The following ACSM2B variants were observed in gnomAD, a reference collection of about 807,000 sequenced individuals.
The protein encoded by ACSM2B is acyl-CoA synthetase medium chain family member 2B, also known as acyl-coenzyme A synthetase ACSM2B, mitochondrial.
ACSM2B carries 58 observed loss-of-function variants against 78.6 expected under a neutral mutation model. The observed-to-expected ratio is 0.74, with a 90% CI of 0.60 to 0.92. The LOEUF is 0.92. Ranked by LOEUF, ACSM2B falls within the 40% of genes least tolerant of loss-of-function variation. ACSM2B has a pLI of 0.00. For missense variants in ACSM2B, 688 were observed against 711.2 expected (o/e 0.97, Z 0.37); for synonymous variants, 257 against 256.8 (o/e 1.00, Z -0.01).
chr16:20,562,634 G>C (rs2015698371), intron 2 of ACSM2B, among the ~76,000 whole-genome samples: 1 of 152,114 alleles, frequency 6.6e-6, no homozygotes. Flanking sequence ...AAACCCTTTT[G>C]TGAAATTAAT....
At chr16:20,559,830 G>T (rs1159011853) in intron 2 of ACSM2B, among the ~76,000 whole-genome samples, 1 of 150,804 alleles carries the variant, frequency 6.6e-6, no homozygotes, top group African/African-American at 2.5e-5. Context: ...TAATGTCTTA[G>T]TAGAATAACA....
At chr16:20,575,391 T>G (rs1407781705) in intron 1 of ACSM2B, 2 of 151,812 alleles carry the variant, frequency 1.3e-5, no homozygotes, top group East Asian at 3.9e-4. Flanking sequence ...CAACTGTATA[T>G]ATATATACAG....
chr16:20,570,538 C>G (rs1050246120), intron 1 of ACSM2B, among the ~76,000 whole-genome samples: 1 of 151,678 alleles, frequency 6.6e-6, no homozygotes, highest in Admixed American at 6.6e-5. Context: ...TTGTTACATC[C>G]TTTTCTGGTT....
chr16:20,552,996 G>T (rs1266831336), intron 5 of ACSM2B, among the ~76,000 whole-genome samples: 10 of 152,140 alleles, frequency 6.6e-5, no homozygotes, highest in Admixed American at 5.2e-4. Flanking sequence ...AAATTTTTTG[G>T]GGGAAGGGGA....
chr16:20,567,548 AATATAAATT>A lies in ACSM2B; in HGVS notation c.-8-2704_-8-2696del, dbSNP rs1184468427. ...TTATATAAATAGTATATAATATATA[AATATAAATT>A]ATATAAATTATATATAAAAATATAT... On this transcript the variant is annotated intron_variant, in intron 1 of 13. Transcript: ENST00000329697. Among the ~76,000 whole-genome samples the A allele has an allele frequency of 1.9e-3, 244 of 131,750 alleles. 2 individuals are homozygous for A. The highest frequency in any genetic ancestry group is 6.2e-3 in the African/African-American group (217 of 35,190). 86.4% of individuals were successfully genotyped at this position (131,750 alleles called of 152,430 possible).
chr16:20,553,590 A>C (rs1302705155), intron 5 of ACSM2B, among the ~76,000 whole-genome samples, 187 bp downstream of exon 5: 1 of 152,198 alleles, frequency 6.6e-6, no homozygotes, highest in African/African-American at 2.4e-5. Context: ...TGTTATCTAA[A>C]ATATGTGTCC....
chr16:20,538,227 C>G (rs1289302569), intron 13 of ACSM2B, among the ~76,000 whole-genome samples: 3 of 152,162 alleles, frequency 2.0e-5, no homozygotes, highest in Non-Finnish European at 4.4e-5. Flanking sequence ...TTCTATAAGT[C>G]AAGACTGACT....
intron 1 of ACSM2B, among the ~76,000 whole-genome samples, chr16:20,568,700 C>G (rs879658237): frequency 2.0e-5 from 3 of 151,538 alleles, no homozygotes; most frequent in Non-Finnish European, 4.4e-5. Context: ...AGAAGTGTTC[C>G]CTTTTCACCA....
intron 1 of ACSM2B, chr16:20,574,342 CAT>C (rs1567223062): frequency 6.6e-6 from 1 of 152,104 alleles, no homozygotes; most frequent in African/African-American, 2.4e-5. Context: ...TTCAAACACA[CAT>C]GTTTTACAAT....
At chr16:20,550,297 T>A (rs983896700) in intron 6 of ACSM2B, among the ~76,000 whole-genome samples, 1 of 152,184 alleles carries the variant, frequency 6.6e-6, no homozygotes, top group Non-Finnish European at 1.5e-5. Context: ...AATAATTTCC[T>A]TCAAATGTGC....
Position 20,543,274 on chromosome 16 carries a change from A to G in ACSM2B, c.1282-12T>C. 6.2e-7 allele frequency: 1 copy of G among 1,611,982 alleles called. No individual in the cohort carries two copies. The highest frequency in any genetic ancestry group is 8.5e-7 in the Non-Finnish European group (1 of 1,179,838). On this transcript the variant is annotated splice_polypyrimidine_tract_variant and intron_variant, in intron 10 of 13. Transcript: ENST00000329697. ...TTGTCGGGATTTTCCTGGTGACCAC[A>G]GAAAGACAGAGTCATTGTGCCTGCA... is the stretch of plus-strand genomic sequence containing the variant.
rs2015776503 is a variant in ACSM2B, at chr16:20,564,877, G to A, written c.-8-24C>T. On this transcript the variant is annotated intron_variant, in intron 1 of 13. Transcript: ENST00000329697. ...GCCTGTAAAAGAAAGAAGAGACACA[G>A]GTAAGAGCTTCTTTAACAGATTGCT... is the stretch of plus-strand genomic sequence containing the variant. 5 of 1,583,868 alleles carry A rather than the reference G, an allele frequency of 3.2e-6. No homozygotes were observed. The East Asian group carries it at 1.1e-4, about 36-fold the overall frequency.
At chr16:20,545,547 C>A (rs1299089691) in intron 9 of ACSM2B, among the ~76,000 whole-genome samples, 2 of 152,152 alleles carry the variant, frequency 1.3e-5, no homozygotes, top group African/African-American at 2.4e-5. Flanking sequence ...ACCTTTGAGA[C>A]CTACCTCACC....
At chr16:20,569,551 G>A (rs1482963960) in intron 1 of ACSM2B, among the ~76,000 whole-genome samples, 3 of 151,828 alleles carry the variant, frequency 2.0e-5, no homozygotes, top group Non-Finnish European at 4.4e-5. Flanking sequence ...CTTTGGCTAT[G>A]ATGACTCTTT....
chr16:20,547,525 G>T (rs2015176136), intron 8 of ACSM2B: 1 of 976,650 alleles, frequency 1.0e-6, no homozygotes, highest in Admixed American at 6.1e-5. Flanking sequence ...GTTTTGATAA[G>T]TAAAATAGTA....
intron 1 of ACSM2B, among the ~76,000 whole-genome samples, chr16:20,567,205 T>C (rs1157786073): frequency 3.8e-5 from 5 of 132,262 alleles, no homozygotes; most frequent in African/African-American, 5.6e-5. Context: ...ACTATTATAT[T>C]ATATATTATA....
chr16:20,566,958 A>C (rs1481191512), intron 1 of ACSM2B, among the ~76,000 whole-genome samples: 1 of 110,504 alleles, frequency 9.0e-6, no homozygotes, highest in Non-Finnish European at 1.7e-5. Context: ...TATCATATAT[A>C]TTATATATTA....
At chr16:20,567,247 T>C (rs1221505158) in intron 1 of ACSM2B, among the ~76,000 whole-genome samples, 1 of 126,626 alleles carries the variant, frequency 7.9e-6, no homozygotes, top group Non-Finnish European at 1.6e-5. Context: ...TAGTGTAATA[T>C]ATAATATATA....
chr16:20,568,525 A>G (rs1262092830), intron 1 of ACSM2B, among the ~76,000 whole-genome samples: 1 of 151,254 alleles, frequency 6.6e-6, no homozygotes, highest in Non-Finnish European at 1.5e-5. Flanking sequence ...GTGCTGCTAT[A>G]AACATGCATG....
Sources: allele counts gnomAD v4.1 joint callset (sites outside exome capture counted in the v4.1 genomes callset), GRCh38; gene constraint gnomAD v4.1.1; transcripts MANE v1.5; gene names NCBI Gene and HGNC (gene_info 2026-07-23, HGNC 2026-07-21).